Variants in ETV7 observed in about 807,000 individuals in gnomAD.
ETV7 encodes the protein transcription factor ETV7.
Under a neutral mutation model 39.1 loss-of-function variants are expected in ETV7, and 43 were observed. That is an observed-to-expected ratio of 1.10 (90% CI 0.86 to 1.42). The LOEUF (loss-of-function observed/expected upper bound fraction) is 1.42, where lower values mean the gene tolerates loss of function less well. ETV7 is among the 40% of genes most tolerant of loss of function. The pLI is 0.00. For missense variants in ETV7, 432 were observed against 442.3 expected (o/e 0.98, Z 0.21); for synonymous variants, 196 against 176.6 (o/e 1.11, Z -0.87).
intron 7 of ETV7, among the ~76,000 whole-genome samples, chr6:36,357,596 G>T (rs1183897371): frequency 6.6e-6 from 1 of 152,090 alleles, no homozygotes; most frequent in Admixed American, 6.5e-5. Context: ...CACCTCCCCG[G>T]CCACGTGCGC....
At chr6:36,386,860 A>C (rs1773929655) in intron 1 of ETV7, 1 of 153,144 alleles carries the variant, frequency 6.5e-6, no homozygotes, top group Non-Finnish European at 1.5e-5. Flanking sequence ...GGCTCAAGGC[A>C]CAGGACTTGC....
chr6:36,380,626 C>T (rs1438581634), intron 2 of ETV7, among the ~76,000 whole-genome samples: 2 of 152,218 alleles, frequency 1.3e-5, no homozygotes, highest in Admixed American at 6.5e-5. Context: ...AGCTATATCA[C>T]GTCCACTGCC....
intron 7 of ETV7, among the ~76,000 whole-genome samples, chr6:36,356,860 T>C (rs544912768): frequency 1.7e-4 from 26 of 152,346 alleles, no homozygotes; most frequent in Middle Eastern, 3.4e-3. Context: ...CCTGTGAAGA[T>C]GTGTGTATCA....
chr6:36,373,219 A>T (rs1275771466), intron 4 of ETV7, among the ~76,000 whole-genome samples: 1 of 151,818 alleles, frequency 6.6e-6, no homozygotes, highest in African/African-American at 2.4e-5. Context: ...TTGAGACATG[A>T]TACAAACAAC....
chr6:36,365,388 A>G (rs567497340), downstream of ETV7, among the ~76,000 whole-genome samples: 3 of 152,324 alleles, frequency 2.0e-5, no homozygotes, highest in South Asian at 4.1e-4. Flanking sequence ...AGAGCAGGCA[A>G]ACATTAAGCA....
intron 5 of ETV7, among the ~76,000 whole-genome samples, chr6:36,369,881 G>A (rs1772922309): frequency 6.6e-6 from 1 of 150,848 alleles, no homozygotes; most frequent in South Asian, 2.1e-4. Context: ...ACTCCAGCCT[G>A]GCAACAGAGT....
chr6:36,366,630 G>A lies in ETV7; in HGVS notation c.*15C>T, dbSNP rs748574241. On this transcript the variant is annotated 3_prime_UTR_variant, in exon 8 of 8. Coordinates refer to ENST00000340181, the MANE Select transcript of ETV7 (RefSeq NM_016135.4). ...CTGCCCCATCGGTACCGGGTGCCTG[G>A]AGTCCACCTGCCCCTCACGGAGAGA... The A allele has an allele frequency of 3.7e-6, 6 of 1,614,102 alleles. No homozygotes were observed. In the Admixed American group the frequency reaches 1.0e-4, roughly 27 times the overall value.
At chr6:36,367,483 G>A (rs1224259147) in intron 6 of ETV7, among the ~76,000 whole-genome samples, 1 of 151,618 alleles carries the variant, frequency 6.6e-6, no homozygotes, top group African/African-American at 2.4e-5. Flanking sequence ...GCGAAAGGAA[G>A]GAAGGAAGGA....
At chr6:36,363,084 C>T (rs144473913), downstream of ETV7, among the ~76,000 whole-genome samples, 114 of 150,754 alleles carry the variant, frequency 7.6e-4, no homozygotes, top group African/African-American at 2.7e-3. Flanking sequence ...AAATTCATTT[C>T]GACAGTCCCT....
chr6:36,369,781 G>A (rs538129929), intron 5 of ETV7, among the ~76,000 whole-genome samples: 5 of 152,086 alleles, frequency 3.3e-5, no homozygotes, highest in African/African-American at 4.8e-5. Flanking sequence ...CATTATAATT[G>A]AAGAATTCAG....
chr6:36,377,714 A>G lies in ETV7; in HGVS notation c.143-1679T>C, dbSNP rs1055854733. 4.8e-4 allele frequency among the ~76,000 whole-genome samples: 73 copies of G among 152,170 alleles called. 2 individuals carry two copies. On this transcript the variant is annotated intron_variant, in intron 2 of 7. Transcript: ENST00000340181. ...CTTTCCTTGTTCATTCATTCAGCCA[A>G]TATCTAATGAGTACCAGCTTGTGTC...
At chr6:36,373,916 A>G (rs9470263) in intron 3 of ETV7, among the ~76,000 whole-genome samples, 57,650 of 152,104 alleles carry the variant, frequency 0.38, 11,310 homozygotes, top group Non-Finnish European at 0.43. Flanking sequence ...AAACTGTGCA[A>G]CTGTACCTCA....
chr6:36,361,482 G>A (rs77391002), downstream of ETV7, among the ~76,000 whole-genome samples: 458 of 152,342 alleles, frequency 3.0e-3, 5 homozygotes, highest in South Asian at 0.025. Flanking sequence ...AGGAAGCCAA[G>A]GAAGACTGTG....
chr6:36,384,781 C>T (rs1205047112), intron 2 of ETV7, among the ~76,000 whole-genome samples: 3 of 151,972 alleles, frequency 2.0e-5, no homozygotes, highest in Non-Finnish European at 4.4e-5. Flanking sequence ...TCCAGCTACT[C>T]AGGAGGCTGA....
At chr6:36,354,200 T>C (rs1271266320) in exon 8 of ETV7, 1 of 12,122 alleles carries the variant, frequency 8.2e-5, no homozygotes, top group Non-Finnish European at 1.2e-4. Context: ...TCCTATGGGT[T>C]TTTTTTTTTT....
downstream of ETV7, among the ~76,000 whole-genome samples, chr6:36,363,281 G>C (rs1055839532): frequency 5.9e-5 from 9 of 152,168 alleles, no homozygotes; most frequent in East Asian, 1.7e-3. Flanking sequence ...CTTCCTTCTG[G>C]TGGGTTCGTG....
intron 1 of ETV7, among the ~76,000 whole-genome samples, chr6:36,385,894 T>C (rs1773875657): frequency 6.6e-6 from 1 of 152,210 alleles, no homozygotes; most frequent in Non-Finnish European, 1.5e-5. Context: ...AAGCTTTCCA[T>C]GCATGTGCCT....
intron 2 of ETV7, among the ~76,000 whole-genome samples, chr6:36,383,350 T>C (rs572389018): frequency 1.3e-5 from 2 of 152,296 alleles, no homozygotes; most frequent in South Asian, 4.1e-4. Flanking sequence ...ATCACGGTTG[T>C]CCTCAGAGTG....
chr6:36,385,467 C>T (rs1773849191), intron 2 of ETV7, 67 bp downstream of exon 2: 1 of 1,598,648 alleles, frequency 6.3e-7, no homozygotes, highest in Admixed American at 1.7e-5. Flanking sequence ...CAGAGCAAGA[C>T]CCTGGATCTA....
Sources: gnomAD v4.1 joint callset for allele counts (sites outside exome capture counted in the v4.1 genomes callset) on GRCh38, gnomAD v4.1.1 for gene constraint, MANE v1.5 for transcripts, NCBI Gene and HGNC (gene_info 2026-07-23, HGNC 2026-07-21) for gene names.